Variants in MEIG1 observed in about 807,000 individuals in gnomAD.
MEIG1 encodes the protein meiosis/spermiogenesis associated 1.
A neutral mutation model predicts 11.3 loss-of-function variants in MEIG1; 12 were observed. That is an observed-to-expected ratio of 1.07 (90% confidence interval 0.68 to 1.73). MEIG1 has a LOEUF of 1.73. MEIG1 is among the 40% of genes most tolerant of loss of function. The pLI is 0.00. For synonymous variants in MEIG1, 41 were observed against 33.2 expected (o/e 1.24, Z -0.81); for missense variants, 119 against 104.9 (o/e 1.13, Z -0.59).
chr10:14,969,580 A>G (rs1843126551), intron 2 of MEIG1, among the ~76,000 whole-genome samples: 1 of 152,234 alleles, frequency 6.6e-6, no homozygotes, highest in Non-Finnish European at 1.5e-5. Context: ...CACGCCTGTA[A>G]TCCTAGCACT....
downstream of MEIG1, among the ~76,000 whole-genome samples, chr10:14,975,528 AGAG>A (rs1406433666): frequency 2.6e-5 from 4 of 152,062 alleles, no homozygotes; most frequent in Non-Finnish European, 5.9e-5. Flanking sequence ...ATTATCCAGA[AGAG>A]GAGAAGATGA....
intron 1 of MEIG1, among the ~76,000 whole-genome samples, chr10:14,964,585 G>GTA (rs1240178960): frequency 1.9e-4 from 18 of 93,034 alleles, no homozygotes; most frequent in East Asian, 2.7e-4. Context: ...GTGTGTGTGT[G>GTA]TATATATATA....
At position 14,972,556 on chromosome 10, in the gene MEIG1, G is replaced by A. The variant is rs747961039; in HGVS notation, c.182G>A (p.Arg61Lys). 2 of 1,614,130 alleles carry A rather than the reference G, an allele frequency of 1.2e-6. No homozygotes were observed. The highest frequency in any genetic ancestry group is 2.2e-5 in the South Asian group (2 of 91,080). The change falls in exon 3 of 3, where the codon AGA (arginine) becomes AAA (lysine). Residue 61 changes from arginine to lysine, a missense_variant. Coordinates refer to ENST00000407572, the MANE Select transcript of MEIG1 (RefSeq NM_001080836.3). ...ACAGGATATGTGAAGAAACTTCAGAGAAGGGACAATACGTTCTATTACTAC... is the reference window on the plus strand; with the variant it reads ...ACAGGATATGTGAAGAAACTTCAGAAAAGGGACAATACGTTCTATTACTAC... ...PETGYVKKLQ[R>K]RDNTFYYYNK...
intron 1 of MEIG1, among the ~76,000 whole-genome samples, chr10:14,983,330 T>C (rs1273101866): frequency 6.6e-6 from 1 of 152,078 alleles, no homozygotes; most frequent in Non-Finnish European, 1.5e-5. Flanking sequence ...TTCTGTGACA[T>C]CGTTCCTAAT....
At chr10:14,957,040 G>C (rs926476428), upstream of MEIG1, among the ~76,000 whole-genome samples, 2 of 150,596 alleles carry the variant, frequency 1.3e-5, no homozygotes, top group African/African-American at 2.5e-5. Context: ...GACGACAAAA[G>C]AGACCCTGTC....
chr10:14,974,756 A>T (rs1167480771), downstream of MEIG1, among the ~76,000 whole-genome samples: 1 of 152,108 alleles, frequency 6.6e-6, no homozygotes, highest in Admixed American at 6.6e-5. Flanking sequence ...ATGACACCTG[A>T]TATTAATAAC....
chr10:14,957,622 T>A (rs1842964090), upstream of MEIG1, among the ~76,000 whole-genome samples: 2 of 152,058 alleles, frequency 1.3e-5, no homozygotes, highest in Non-Finnish European at 2.9e-5. Context: ...CTGACATAAT[T>A]TGACTTAGGT....
chr10:14,984,757 C>G (rs1458992883), intron 1 of MEIG1, among the ~76,000 whole-genome samples: 1 of 152,092 alleles, frequency 6.6e-6, no homozygotes, highest in Non-Finnish European at 1.5e-5. Flanking sequence ...AGAGGTTGTA[C>G]ACCTTGTGAA....
downstream of MEIG1, among the ~76,000 whole-genome samples, chr10:14,974,282 C>G (rs929165937): frequency 2.0e-5 from 3 of 152,134 alleles, no homozygotes; most frequent in African/African-American, 7.2e-5. Flanking sequence ...GAGCCCTCTC[C>G]GCCTTTCATC....
intron 1 of MEIG1, among the ~76,000 whole-genome samples, chr10:14,963,027 G>T (rs944620176): frequency 3.4e-5 from 5 of 148,882 alleles, no homozygotes; most frequent in South Asian, 2.2e-4. Context: ...CTCCCAGAGT[G>T]CTGGGATTAC....
chr10:14,960,641 A>T (rs1047695609), intron 1 of MEIG1, among the ~76,000 whole-genome samples: 1 of 151,792 alleles, frequency 6.6e-6, no homozygotes, highest in East Asian at 2.0e-4. Flanking sequence ...GATGGTCTCG[A>T]TCTCCTGACC....
At chr10:14,976,003 T>C (rs540728976), downstream of MEIG1, among the ~76,000 whole-genome samples, 1 of 152,242 alleles carries the variant, frequency 6.6e-6, no homozygotes, top group African/African-American at 2.4e-5. Flanking sequence ...TTACTGACAA[T>C]AACGTCAACA....
chr10:14,983,241 C>T (rs1353619570), intron 1 of MEIG1, among the ~76,000 whole-genome samples: 1 of 152,054 alleles, frequency 6.6e-6, no homozygotes, highest in African/African-American at 2.4e-5. Context: ...GGGTGTGCAT[C>T]CACCCGGTGA....
chr10:14,987,025 A>G (rs1843325243), intron 2 of MEIG1: 4 of 623,744 alleles, frequency 6.4e-6, no homozygotes, highest in Non-Finnish European at 1.1e-5. Context: ...GTGAGGATTC[A>G]TGATGACTGG....
At chr10:14,971,810 T>C (rs947006893) in intron 2 of MEIG1, among the ~76,000 whole-genome samples, 1 of 152,182 alleles carries the variant, frequency 6.6e-6, no homozygotes, top group African/African-American at 2.4e-5. Flanking sequence ...TTGGCCACAG[T>C]ATTGAAATTT....
intron 1 of MEIG1, among the ~76,000 whole-genome samples, chr10:14,978,501 A>G (rs1194285421): frequency 2.0e-5 from 3 of 151,896 alleles, no homozygotes; most frequent in Non-Finnish European, 2.9e-5. Flanking sequence ...AGGGGTGCAC[A>G]CCCTGTGATA....
Position 14,966,576 on chromosome 10 carries a change from C to A in MEIG1, c.108C>A (p.Thr36=). ...AACAAGCAGGATATCGGGATGAAAC[C>A]GAATATAGACAAGTGAAACAAGTTT... ...RFQQAGYRDE[T]EYRQVKQVSM... The change falls in exon 2 of 3, where the codon ACC becomes ACA. Residue 36 remains threonine, a synonymous_variant. Transcript: ENST00000407572. 6.2e-7 allele frequency: 1 copy of A among 1,610,266 alleles called. No individual in the cohort carries two copies. The highest frequency in any genetic ancestry group is 8.5e-7 in the Non-Finnish European group (1 of 1,178,742).
chr10:14,959,824 G>T (rs993716193), intron 1 of MEIG1, among the ~76,000 whole-genome samples: 76 of 152,368 alleles, frequency 5.0e-4, no homozygotes, highest in African/African-American at 1.8e-3. Context: ...TTTAGGGGCC[G>T]CGTCTCCGAG....
Position 14,987,121 on chromosome 10 carries a change from C to T in MEIG1, n.285+107C>T. The T allele has an allele frequency of 5.0e-6, 4 of 797,676 alleles. No homozygotes were observed. The South Asian group carries it at 5.6e-5, about 11-fold the overall frequency. The allele number at this position is 797,676 out of a possible 1,614,324, so 49.4% of individuals were successfully genotyped here. A position where few individuals can be genotyped will look rare whatever the true frequency, so the allele number is the denominator to read the frequency against. Reference sequence around the variant, plus strand: ...GCATTCTATACATGCAAAAAAGGACCAAGAAAGACATCTGTGTCAGGCAGC... The same window carrying T: ...GCATTCTATACATGCAAAAAAGGACTAAGAAAGACATCTGTGTCAGGCAGC... On this transcript the variant is annotated intron_variant and non_coding_transcript_variant, in intron 2 of 2. Transcript: ENST00000467536.
Sources: allele counts gnomAD v4.1 joint callset (sites outside exome capture counted in the v4.1 genomes callset), GRCh38; gene constraint gnomAD v4.1.1; transcripts MANE v1.5; gene names NCBI Gene and HGNC (gene_info 2026-07-23, HGNC 2026-07-21).